AEBP2: variants seen among roughly 807,000 people sequenced by gnomAD.
AEBP2 encodes zinc finger protein AEBP2.
In AEBP2, 10 loss-of-function variants were observed where a neutral mutation model predicts 50.8. The observed-to-expected ratio is 0.20, with a 90% confidence interval of 0.12 to 0.33. AEBP2 has a LOEUF of 0.33. AEBP2 is among the 10% of genes least tolerant of loss of function. AEBP2 has a pLI of 1.00. For synonymous variants in AEBP2, 296 were observed against 261.3 expected (o/e 1.13, Z -1.28); for missense variants, 570 against 688.0 (o/e 0.83, Z 1.92).
In AEBP2 at chr12:19,433,124, G is replaced by A. The variant is rs537407614; in HGVS notation, c.-17+28908G>A. 3.3e-5 allele frequency among the ~76,000 whole-genome samples: 5 copies of A among 152,290 alleles called. No homozygotes were observed. The South Asian group carries it at 6.2e-4, about 19-fold the overall frequency. On this transcript the variant is annotated intron_variant, in intron 1 of 3. Coordinates refer to the AEBP2 transcript ENST00000538425. Reference sequence around the variant, plus strand: ...TTCTGGGCTGGGCACAGTGGCTCACGCCTATAATCTTGGCACTTTGGGCGG... The same window carrying A: ...TTCTGGGCTGGGCACAGTGGCTCACACCTATAATCTTGGCACTTTGGGCGG...
intron 1 of AEBP2, chr12:19,457,721 TAGTC>T: frequency 4.3e-6 from 4 of 927,496 alleles, no homozygotes; most frequent in Non-Finnish European, 5.8e-6. Context: ...AAAAAAAAGC[TAGTC>T]AGAGAGATCT....
chr12:19,469,598 T>C (rs574706567), intron 2 of AEBP2, among the ~76,000 whole-genome samples: 1 of 152,310 alleles, frequency 6.6e-6, no homozygotes, highest in East Asian at 1.9e-4. Context: ...ACTACAGGCA[T>C]GCATCACCAC....
chr12:19,437,146 A>C (rs1947868020), upstream of AEBP2, among the ~76,000 whole-genome samples: 1 of 152,166 alleles, frequency 6.6e-6, no homozygotes, highest in African/African-American at 2.4e-5. Flanking sequence ...CTACACAGAG[A>C]GGTCAAGACG....
intron 1 of AEBP2, among the ~76,000 whole-genome samples, chr12:19,419,401 A>G (rs949056918): frequency 6.6e-6 from 1 of 151,826 alleles, no homozygotes; most frequent in Non-Finnish European, 1.5e-5. Context: ...CATCCTGGCT[A>G]CAACAGTGAA....
chr12:19,404,544 A>G (rs1360393750), intron 1 of AEBP2, among the ~76,000 whole-genome samples: 1 of 152,114 alleles, frequency 6.6e-6, no homozygotes, highest in Non-Finnish European at 1.5e-5. Context: ...TCACAGTGTG[A>G]ATCTCTACAC....
In AEBP2 at chr12:19,439,759, G is replaced by GC. The variant is rs1555180802; in HGVS notation, c.66dup (p.Gly23ArgfsTer12). 2.0e-6 allele frequency: 3 copies of GC among 1,517,846 alleles called. No homozygotes were observed. The highest frequency in any genetic ancestry group is 1.2e-5 in the South Asian group (1 of 83,258). The allele number at this position is 1,517,846 out of a possible 1,614,324, so 94.0% of individuals were successfully genotyped here. The stretch of plus-strand genomic sequence containing the variant: ...AGGAGCTCTCCCGCCTGAGCCCTCT[G>GC]CCCCCCGGCAGCCCGGGTTCGGCGG... On this transcript the variant is annotated frameshift_variant, in exon 1 of 8. Coordinates refer to ENST00000266508, the MANE Select transcript of AEBP2 (RefSeq NM_153207.5). LOFTEE classifies it high-confidence loss of function.
In AEBP2 at chr12:19,522,188, T is replaced by C. The variant is rs1591719499; in HGVS notation, c.*4071T>C. The stretch of plus-strand genomic sequence containing the variant: ...AGAAATTGTTAGAAAATTTCCTGTG[T>C]ACGTAGTTTGTTTTTAAATTAAAGA... On this transcript the variant is annotated 3_prime_UTR_variant, in exon 8 of 8. Transcript: ENST00000266508. 1 of 152,166 alleles carries C rather than the reference T, an allele frequency of 6.6e-6. No individual in the cohort carries two copies. Among genetic ancestry groups the C allele is most frequent in the Non-Finnish European group, 1.5e-5 (1 of 68,020 alleles). 9.4% of individuals were successfully genotyped at this position (152,166 alleles called of 1,614,324 possible).
intron 6 of AEBP2, among the ~76,000 whole-genome samples, chr12:19,512,728 G>T (rs957503080): frequency 2.0e-5 from 3 of 151,502 alleles, no homozygotes; most frequent in African/African-American, 4.8e-5. Flanking sequence ...TTGGGAGGCT[G>T]GGGGAGGCCG....
In AEBP2 at chr12:19,439,682, G is replaced by C. The variant is rs1381612710; in HGVS notation, c.-18G>C. 29 of 1,516,638 alleles carry C rather than the reference G, an allele frequency of 1.9e-5. No homozygotes were observed. Among genetic ancestry groups the C allele is most frequent in the Non-Finnish European group, 2.4e-5 (27 of 1,138,890 alleles). The allele number at this position is 1,516,638 out of a possible 1,614,324, so 93.9% of individuals were successfully genotyped here. A position where few individuals can be genotyped will look rare whatever the true frequency, so the allele number is the denominator to read the frequency against. On this transcript the variant is annotated 5_prime_UTR_variant, in exon 1 of 8. Coordinates refer to ENST00000266508, the MANE Select transcript of AEBP2 (RefSeq NM_153207.5). ...GCGGCGGTGGGGAGGAGGAGGAGGA[G>C]GAGGAGCAGGCGCCGCCATGGCCGC...
At chr12:19,513,131 C>A (rs1472419309) in intron 6 of AEBP2, among the ~76,000 whole-genome samples, 1 of 151,994 alleles carries the variant, frequency 6.6e-6, no homozygotes, top group Admixed American at 6.6e-5. Context: ...TTTTTAGTGA[C>A]CTCCAAGCAG....
chr12:19,471,300 G>A (rs146744483), intron 2 of AEBP2, among the ~76,000 whole-genome samples: 4 of 152,182 alleles, frequency 2.6e-5, no homozygotes, highest in Admixed American at 6.6e-5. Context: ...TGTATATTTT[G>A]TATAGACAGG....
At chr12:19,454,705 C>T (rs939336084) in intron 1 of AEBP2, among the ~76,000 whole-genome samples, 1 of 152,078 alleles carries the variant, frequency 6.6e-6, no homozygotes, top group Non-Finnish European at 1.5e-5. Context: ...GCTTTGGCGG[C>T]ACATACACTA....
intron 1 of AEBP2, among the ~76,000 whole-genome samples, chr12:19,448,816 G>A (rs1948118304): frequency 6.6e-6 from 1 of 151,984 alleles, no homozygotes; most frequent in African/African-American, 2.4e-5. Flanking sequence ...AATAGCTGGA[G>A]CTACAGGCAT....
intron 1 of AEBP2, among the ~76,000 whole-genome samples, chr12:19,410,517 T>C (rs2095738705): frequency 6.6e-6 from 1 of 152,202 alleles, no homozygotes; most frequent in African/African-American, 2.4e-5. Context: ...TTTCTCTAGC[T>C]GAGACAGCCA....
At chr12:19,467,237 G>A (rs1948493021) in intron 2 of AEBP2, among the ~76,000 whole-genome samples, 1 of 150,936 alleles carries the variant, frequency 6.6e-6, no homozygotes, top group South Asian at 2.1e-4. Context: ...AACATCATGA[G>A]AGTGCTTTCT....
intron 2 of AEBP2, among the ~76,000 whole-genome samples, chr12:19,464,771 G>T (rs866423691): frequency 5.3e-5 from 8 of 151,554 alleles, no homozygotes; most frequent in Middle Eastern, 3.4e-3. Flanking sequence ...TGTATTTTTG[G>T]TAGAGATGGG....
At chr12:19,515,607 C>G (rs571542300) in intron 7 of AEBP2, among the ~76,000 whole-genome samples, 14 of 152,136 alleles carry the variant, frequency 9.2e-5, no homozygotes, top group Non-Finnish European at 1.5e-4. Flanking sequence ...TTCAATGAAA[C>G]TTTGTAAATT....
Position 19,514,804 on chromosome 12 carries a change from T to C in AEBP2, c.1481+20T>C, listed in dbSNP as rs199838574. 1.3e-5 allele frequency: 21 copies of C among 1,559,074 alleles called. No homozygotes were observed. In the African/African-American group the frequency reaches 2.2e-4, roughly 16 times the overall value. On this transcript the variant is annotated intron_variant, in intron 7 of 7. Coordinates refer to ENST00000266508, the MANE Select transcript of AEBP2 (RefSeq NM_153207.5). ...ATACAGGTAATTTAATTCTTGCCTTTATGTTTTACTTTTTGATTTGTAATT... is the reference window on the plus strand; with the variant it reads ...ATACAGGTAATTTAATTCTTGCCTTCATGTTTTACTTTTTGATTTGTAATT...
At chr12:19,484,918 C>A (rs1360031262) in intron 3 of AEBP2, among the ~76,000 whole-genome samples, 3 of 152,146 alleles carry the variant, frequency 2.0e-5, no homozygotes, top group African/African-American at 7.2e-5. Flanking sequence ...TACTGCAGAT[C>A]TTGGCCGTGA....
Sources: allele counts gnomAD v4.1 joint callset (sites outside exome capture counted in the v4.1 genomes callset), GRCh38; gene constraint gnomAD v4.1.1; transcripts MANE v1.5; gene names NCBI Gene and HGNC (gene_info 2026-07-23, HGNC 2026-07-21).